Variants in SLC2A12 observed in about 807,000 individuals in gnomAD.
SLC2A12 encodes the protein solute carrier family 2 member 12.
SLC2A12 carries 23 observed loss-of-function variants against 41.8 expected under a neutral mutation model. That is an observed-to-expected ratio of 0.55 (90% CI 0.40 to 0.78). SLC2A12 has a LOEUF of 0.78. Among genes scored for constraint, SLC2A12 ranks in the 30% least tolerant of loss-of-function variants. SLC2A12 has a pLI of 0.00. For missense variants in SLC2A12, 654 were observed against 745.6 expected, an observed-to-expected ratio of 0.88 and a Z score of 1.43; for synonymous variants, 295 against 285.9, an observed-to-expected ratio of 1.03 and a Z score of -0.32.
chr6:133,991,427 T>G, intron 4 of SLC2A12, 119 bp from the exon 5 acceptor site: 1 of 1,096,938 alleles, frequency 9.1e-7, no homozygotes, highest in Non-Finnish European at 1.3e-6. Context: ...CAAAAATAAA[T>G]ACACATTTTT....
In SLC2A12 at chr6:134,028,515, A is replaced by G. The variant is rs749610971; in HGVS notation, c.1310T>C (p.Leu437Ser). 6.8e-6 allele frequency: 11 copies of G among 1,614,076 alleles called. No individual in the cohort carries two copies. The East Asian group carries it at 2.2e-4, about 33-fold the overall frequency. The change falls in exon 2 of 5, where the codon TTG becomes TCG. Residue 437 changes from leucine to serine, a missense_variant. By Grantham distance (145) the Leu-to-Ser change is moderately radical (BLOSUM62 -2). This residue lies in a region of SLC2A12 where 411 missense variants were observed against 412.1 expected (regional missense o/e 1.00). Transcript: ENST00000275230. Reference sequence around the variant, plus strand: ...AGTGTGGCTTAATCCAGCATTTAGCAAGGATGCTGAGGTCGTCTCCCCTCT... The same window carrying G: ...AGTGTGGCTTAATCCAGCATTTAGCGAGGATGCTGAGGTCGTCTCCCCTCT... Reference protein sequence around the residue: ...DKRGETTSASLLNAGLSHTEY... With the variant: ...DKRGETTSASSLNAGLSHTEY...
At chr6:133,996,956 G>C (rs1305099694) in intron 4 of SLC2A12, among the ~76,000 whole-genome samples, 1 of 151,952 alleles carries the variant, frequency 6.6e-6, no homozygotes, top group Non-Finnish European at 1.5e-5. Flanking sequence ...GTTCAGCTCA[G>C]AAAAGCCTCT....
At chr6:134,035,539 A>C (rs1478047752) in intron 1 of SLC2A12, among the ~76,000 whole-genome samples, 1 of 152,178 alleles carries the variant, frequency 6.6e-6, no homozygotes, top group African/African-American at 2.4e-5. Context: ...TTTCTTCATC[A>C]AACCTAAGCA....
intron 1 of SLC2A12, among the ~76,000 whole-genome samples, chr6:134,045,926 C>G (rs1005876381): frequency 4.6e-5 from 7 of 152,132 alleles, no homozygotes; most frequent in African/African-American, 1.4e-4. Context: ...ATTGGCAGTA[C>G]CTACATAATT....
At chr6:134,035,496 C>T (rs907879631) in intron 1 of SLC2A12, among the ~76,000 whole-genome samples, 4 of 152,186 alleles carry the variant, frequency 2.6e-5, no homozygotes, top group African/African-American at 9.7e-5. Flanking sequence ...GACTCATACC[C>T]TTTTGTTCAA....
Position 134,030,843 on chromosome 6 carries a change from C to T in SLC2A12, c.104-1122G>A, listed in dbSNP as rs560654366. On this transcript the variant is annotated intron_variant, in intron 1 of 4. Coordinates refer to ENST00000275230, the MANE Select transcript of SLC2A12 (RefSeq NM_145176.3). ...CACAGTGATGACTTTTCATTGTGTT[C>T]CAAGTATAATGGAGCCAACACCCAC... 3.3e-4 allele frequency among the ~76,000 whole-genome samples: 50 copies of T among 152,268 alleles called. 1 individual carries two copies. Among genetic ancestry groups the T allele is most frequent in the Admixed American group, 1.4e-3 (21 of 15,302 alleles).
chr6:134,047,623 A>G (rs1355987143), intron 1 of SLC2A12, among the ~76,000 whole-genome samples: 1 of 152,206 alleles, frequency 6.6e-6, no homozygotes, highest in Non-Finnish European at 1.5e-5. Context: ...TTGAGAATTC[A>G]CAGGAAAGAT....
chr6:134,022,636 G>A (rs536411389), intron 2 of SLC2A12, among the ~76,000 whole-genome samples: 1 of 152,306 alleles, frequency 6.6e-6, no homozygotes, highest in South Asian at 2.1e-4. Context: ...TTTTCATCTG[G>A]AAAGCCATTT....
At chr6:134,043,238 G>A (rs1421881664) in intron 1 of SLC2A12, among the ~76,000 whole-genome samples, 1 of 152,062 alleles carries the variant, frequency 6.6e-6, no homozygotes, top group Admixed American at 6.5e-5. Flanking sequence ...GGAAGTGGAG[G>A]GCAAGGACCC....
chr6:134,039,468 A>G (rs1777351049), intron 1 of SLC2A12, among the ~76,000 whole-genome samples: 1 of 152,222 alleles, frequency 6.6e-6, no homozygotes, highest in South Asian at 2.1e-4. Context: ...TATGTTTCCT[A>G]TAAATAGAAA....
chr6:134,023,980 G>A (rs543757249), intron 2 of SLC2A12, among the ~76,000 whole-genome samples: 1 of 152,206 alleles, frequency 6.6e-6, no homozygotes, highest in African/African-American at 2.4e-5. Flanking sequence ...AAATTTGCAT[G>A]ATTTGGAAGG....
chr6:134,028,616 A>G lies in SLC2A12; in HGVS notation c.1209T>C (p.Thr403=). 6.2e-7 allele frequency: 1 copy of G among 1,614,178 alleles called. No individual in the cohort carries two copies. The highest frequency in any genetic ancestry group is 8.5e-7 in the Non-Finnish European group (1 of 1,180,020). The change falls in exon 2 of 5, where the codon ACT becomes ACC. Residue 403 remains threonine, a synonymous_variant. Coordinates refer to ENST00000275230, the MANE Select transcript of SLC2A12 (RefSeq NM_145176.3). ...GPGNLSTNNN[T]LRDHFKGISS... ...AAATCCCTTTGAAGTGGTCTCTGAG[A>G]GTATTGTTGTTGGTTGACAGGTTTC...
At chr6:133,994,787 T>C (rs1216363674) in intron 4 of SLC2A12, among the ~76,000 whole-genome samples, 4 of 151,932 alleles carry the variant, frequency 2.6e-5, no homozygotes, top group Non-Finnish European at 5.9e-5. Flanking sequence ...GATAGAGAAG[T>C]GGTCAGGGGA....
intron 1 of SLC2A12, among the ~76,000 whole-genome samples, chr6:134,051,412 G>A (rs1773682735): frequency 6.6e-6 from 1 of 152,216 alleles, no homozygotes; most frequent in South Asian, 2.1e-4. Flanking sequence ...AAAGGCAGAT[G>A]TCTTTTGTAT....
intron 1 of SLC2A12, among the ~76,000 whole-genome samples, chr6:134,038,306 T>G (rs186922600): frequency 6.6e-6 from 1 of 151,910 alleles, no homozygotes; most frequent in African/African-American, 2.4e-5. Flanking sequence ...TGTGGTTCAC[T>G]TTTTCTGCCT....
intron 2 of SLC2A12, among the ~76,000 whole-genome samples, chr6:134,020,729 A>G (rs1777029450): frequency 6.6e-6 from 1 of 152,200 alleles, no homozygotes; most frequent in African/African-American, 2.4e-5. Flanking sequence ...CTCTGACAGC[A>G]TGACTCCAAG....
At chr6:134,043,466 CT>C (rs1320368862) in intron 1 of SLC2A12, among the ~76,000 whole-genome samples, 1 of 152,138 alleles carries the variant, frequency 6.6e-6, no homozygotes, top group African/African-American at 2.4e-5. Flanking sequence ...AAAACTCCCA[CT>C]TCTGTCACCA....
chr6:134,032,466 TTTTATATA>T (rs1777230946), intron 1 of SLC2A12, among the ~76,000 whole-genome samples: 2 of 33,212 alleles, frequency 6.0e-5, no homozygotes, highest in African/African-American at 3.1e-4. Flanking sequence ...ATATATATAT[TTTTATATA>T]TATATATATA....
chr6:134,043,433 G>A (rs564280367), intron 1 of SLC2A12, among the ~76,000 whole-genome samples: 16 of 152,052 alleles, frequency 1.1e-4, no homozygotes, highest in Non-Finnish European at 2.2e-4. Context: ...GTAGAATTTG[G>A]AGACATGTAA....
Sources: allele counts gnomAD v4.1 joint callset (sites outside exome capture counted in the v4.1 genomes callset), GRCh38; gene constraint gnomAD v4.1.1; regional missense constraint gnomAD v4.1.1; transcripts MANE v1.5; gene names NCBI Gene and HGNC (gene_info 2026-07-23, HGNC 2026-07-21).